TRDMT1: variants seen among roughly 807,000 people sequenced by gnomAD.
TRDMT1 encodes the protein tRNA (cytosine(38)-C(5))-methyltransferase.
Under a neutral mutation model 51.2 loss-of-function variants are expected in TRDMT1, and 49 were observed. The observed-to-expected ratio is 0.96, with a 90% CI of 0.76 to 1.21. TRDMT1 has a LOEUF of 1.21. TRDMT1 is among the 50% of genes most tolerant of loss of function. TRDMT1 has a pLI of 0.00. For synonymous variants in TRDMT1, 187 were observed against 164.6 expected (o/e 1.14, Z -1.04); for missense variants, 534 against 462.3 (o/e 1.16, Z -1.42).
chr10:17,138,912 C>T lies in TRDMT1; in HGVS notation c.*10128G>A, dbSNP rs532283116. Among the ~76,000 whole-genome samples, 1 of 152,262 alleles carries T rather than the reference C, an allele frequency of 6.6e-6. No homozygotes were observed. Among genetic ancestry groups the T allele is most frequent in the African/African-American group, 2.4e-5 (1 of 41,550 alleles). On this transcript the variant is annotated 3_prime_UTR_variant, in exon 11 of 11. Coordinates refer to ENST00000377799, the MANE Select transcript of TRDMT1 (RefSeq NM_004412.7). The stretch of plus-strand genomic sequence containing the variant: ...ACATGTATACACACGTGTGCACACA[C>T]AGCTTCCTAATTGTAACTCAAGCAA...
At chr10:17,158,244 T>C (rs1006709090) in intron 7 of TRDMT1, among the ~76,000 whole-genome samples, 28 of 152,184 alleles carry the variant, frequency 1.8e-4, no homozygotes, top group African/African-American at 6.0e-4. Context: ...CGGTTTTCAC[T>C]GTGAAAGGTT....
In TRDMT1 at chr10:17,142,988, T is replaced by A; in HGVS notation, c.*6052A>T. On this transcript the variant is annotated 3_prime_UTR_variant, in exon 11 of 11. Coordinates refer to ENST00000377799, the MANE Select transcript of TRDMT1 (RefSeq NM_004412.7). Reference sequence around the variant, plus strand: ...GTCAAGACCAGAAGTCAGAATACAGTATTTTAAAAAGTTTTATTTGCGCTA... The same window carrying A: ...GTCAAGACCAGAAGTCAGAATACAGAATTTTAAAAAGTTTTATTTGCGCTA... The A allele has an allele frequency of 1.0e-6, 1 of 985,382 alleles. No homozygotes were observed. Among genetic ancestry groups the A allele is most frequent in the South Asian group, 4.7e-5 (1 of 21,292 alleles). The allele number at this position is 985,382 out of a possible 1,614,324, so 61.0% of individuals were successfully genotyped here.
At chr10:17,183,752 CA>C (rs111598062) in intron 1 of TRDMT1, among the ~76,000 whole-genome samples, 20,822 of 151,894 alleles carry the variant, frequency 0.14, 1,522 homozygotes, top group Admixed American at 0.17. Flanking sequence ...AAAAAGCAAA[CA>C]AAAAAATGAC....
At chr10:17,176,117 T>C (rs956961526) in intron 1 of TRDMT1, among the ~76,000 whole-genome samples, 9 of 152,212 alleles carry the variant, frequency 5.9e-5, no homozygotes, top group African/African-American at 2.2e-4. Context: ...TATTAATATA[T>C]AAGGATCCAT....
intron 10 of TRDMT1, 74 bp downstream of exon 10, chr10:17,153,433 T>A (rs773441983): frequency 2.0e-5 from 32 of 1,569,596 alleles, no homozygotes; most frequent in Middle Eastern, 3.4e-4. Context: ...AGGCAAGTCC[T>A]AGACACACAA....
intron 1 of TRDMT1, among the ~76,000 whole-genome samples, chr10:17,179,162 G>A (rs762289017): frequency 3.0e-4 from 45 of 152,266 alleles, no homozygotes; most frequent in Admixed American, 7.2e-4. Flanking sequence ...ATTAAGGCAT[G>A]AGTAATCTTT....
chr10:17,194,960 A>C (rs554295829), intron 1 of TRDMT1, among the ~76,000 whole-genome samples: 6 of 151,770 alleles, frequency 4.0e-5, no homozygotes, highest in South Asian at 4.2e-4. Flanking sequence ...AAAAAAAAAA[A>C]AAAACGCAGA....
At chr10:17,154,848 T>C (rs1839280312) in intron 8 of TRDMT1, 114 bp from the exon 9 acceptor site, 2 of 829,118 alleles carry the variant, frequency 2.4e-6, no homozygotes, top group East Asian at 6.0e-5. Context: ...TTCTGAAATA[T>C]CTTGAATAAT....
intron 8 of TRDMT1, among the ~76,000 whole-genome samples, chr10:17,156,868 A>C (rs569291646): frequency 6.6e-6 from 1 of 152,322 alleles, no homozygotes; most frequent in South Asian, 2.1e-4. Flanking sequence ...CAGTAAACTG[A>C]TATCATTGGT....
At chr10:17,189,786 T>C (rs1844443308) in intron 1 of TRDMT1, among the ~76,000 whole-genome samples, 1 of 152,204 alleles carries the variant, frequency 6.6e-6, no homozygotes, top group Non-Finnish European at 1.5e-5. Context: ...CTTTGAATTA[T>C]AGGTTCTTTT....
intron 2 of TRDMT1, among the ~76,000 whole-genome samples, chr10:17,170,119 G>C (rs1841765979): frequency 6.6e-6 from 1 of 152,130 alleles, no homozygotes; most frequent in African/African-American, 2.4e-5. Flanking sequence ...CCTATGTCTA[G>C]AATCGAAAGG....
chr10:17,189,817 A>G (rs550721547), intron 1 of TRDMT1, among the ~76,000 whole-genome samples: 2 of 152,180 alleles, frequency 1.3e-5, no homozygotes, highest in Non-Finnish European at 2.9e-5. Flanking sequence ...TTCAACTCTA[A>G]TGAAGGCATC....
intron 1 of TRDMT1, among the ~76,000 whole-genome samples, chr10:17,189,969 A>G (rs916992281): frequency 2.0e-5 from 3 of 152,160 alleles, no homozygotes; most frequent in Admixed American, 6.5e-5. Context: ...GAACTATTTA[A>G]TATTAATGTT....
At position 17,147,185 on chromosome 10, in the gene TRDMT1, T is replaced by A; in HGVS notation, c.*1855A>T. 1 of 985,836 alleles carries A rather than the reference T, an allele frequency of 1.0e-6. No homozygotes were observed. Among genetic ancestry groups the A allele is most frequent in the Non-Finnish European group, 1.2e-6 (1 of 829,902 alleles). The allele number at this position is 985,836 out of a possible 1,614,324, so 61.1% of individuals were successfully genotyped here. A position where few individuals can be genotyped will look rare whatever the true frequency, so the allele number is the denominator to read the frequency against. On this transcript the variant is annotated 3_prime_UTR_variant, in exon 11 of 11. Transcript: ENST00000377799. Reference sequence around the variant, plus strand: ...CATTTTATTTAGAATATTTCAGCAGTGAACAGAACCTACATGAAAGTGTGC... The same window carrying A: ...CATTTTATTTAGAATATTTCAGCAGAGAACAGAACCTACATGAAAGTGTGC...
Position 17,137,553 on chromosome 10 carries a change from C to T in TRDMT1, c.*11487G>A, listed in dbSNP as rs746750049. ...CACTATAGAAAGTGGTTCCACTGGC[C>T]GGGCTCAGTGCCTCGTACCTGTAAT... On this transcript the variant is annotated 3_prime_UTR_variant, in exon 11 of 11. Transcript: ENST00000377799. 5 of 152,138 alleles carry T rather than the reference C, an allele frequency of 3.3e-5. No individual in the cohort carries two copies. The highest frequency in any genetic ancestry group is 1.9e-4 in the East Asian group (1 of 5,180). The allele number at this position is 152,138 out of a possible 1,614,324, so 9.4% of individuals were successfully genotyped here.
intron 3 of TRDMT1, among the ~76,000 whole-genome samples, chr10:17,167,977 T>C (rs1222705175): frequency 6.6e-6 from 1 of 152,150 alleles, no homozygotes. Context: ...TGGTAGCAAC[T>C]GCTATTTCCT....
chr10:17,153,456 T>A, intron 10 of TRDMT1, 51 bp downstream of exon 10: 1 of 1,602,664 alleles, frequency 6.2e-7, no homozygotes, highest in Non-Finnish European at 8.5e-7. Context: ...CCCTAAAGAT[T>A]TTTGAGAGTT....
intron 1 of TRDMT1, among the ~76,000 whole-genome samples, chr10:17,196,890 C>T (rs955307851): frequency 3.9e-5 from 6 of 152,254 alleles, no homozygotes; most frequent in East Asian, 1.9e-4. Flanking sequence ...CTTAAACAAA[C>T]GAGGAAACCC....
At chr10:17,150,234 C>T (rs1838508712) in intron 10 of TRDMT1, 1 of 236,380 alleles carries the variant, frequency 4.2e-6, no homozygotes, top group African/African-American at 2.3e-5. Flanking sequence ...TAATAACTAA[C>T]TAACATATTT....
Sources: allele counts gnomAD v4.1 joint callset (sites outside exome capture counted in the v4.1 genomes callset), GRCh38; gene constraint gnomAD v4.1.1; transcripts MANE v1.5; gene names NCBI Gene and HGNC (gene_info 2026-07-23, HGNC 2026-07-21).